Variants in CHD9 observed in about 807,000 individuals in gnomAD.
CHD9 encodes the protein ATP-dependent chromatin remodeler CHD9.
A neutral mutation model predicts 316.1 loss-of-function variants in CHD9; 77 were observed. That is an observed-to-expected ratio of 0.24 (90% confidence interval 0.20 to 0.29). The LOEUF is 0.29. Ranked by LOEUF, CHD9 falls within the 10% of genes least tolerant of loss-of-function variation. The pLI is 1.00. For missense variants in CHD9, 2,763 were observed against 3,438.1 expected (o/e 0.80, Z 4.91); for synonymous variants, 1,129 against 1,158.3 (o/e 0.97, Z 0.51).
intron 1 of CHD9, among the ~76,000 whole-genome samples, chr16:53,097,949 G>A (rs2036519885): frequency 6.6e-6 from 1 of 151,928 alleles, no homozygotes; most frequent in Admixed American, 6.6e-5. Context: ...GTGAAACCCT[G>A]TCTCTACTAA....
chr16:53,192,154 T>C (rs1251066840), intron 2 of CHD9, among the ~76,000 whole-genome samples: 4 of 151,918 alleles, frequency 2.6e-5, no homozygotes, highest in Non-Finnish European at 4.4e-5. Flanking sequence ...CGTGTGTTTA[T>C]TATGTTGTGT....
At chr16:53,281,020 T>G (rs2053363867) in intron 24 of CHD9, among the ~76,000 whole-genome samples, 1 of 152,174 alleles carries the variant, frequency 6.6e-6, no homozygotes, top group African/African-American at 2.4e-5. Flanking sequence ...AGCTCTTACT[T>G]CTCTAATAGA....
At chr16:53,171,297 T>C (rs1477411614) in intron 2 of CHD9, among the ~76,000 whole-genome samples, 2 of 152,086 alleles carry the variant, frequency 1.3e-5, no homozygotes, top group Non-Finnish European at 2.9e-5. Flanking sequence ...CGGGCGCCTG[T>C]AGTCCCAGCT....
Position 53,231,478 on chromosome 16 carries a change from T to C in CHD9, c.2346T>C (p.Ser782=). ...AAGTAGACAGAGTATTAGAAGTCTCTTTTTGTGAAGATAAGGATACTGGTG... is the reference window on the plus strand; with the variant it reads ...AAGTAGACAGAGTATTAGAAGTCTCCTTTTGTGAAGATAAGGATACTGGTG... ...YVEVDRVLEV[S]FCEDKDTGEP... Residue 782 remains serine (S), a synonymous_variant, in exon 9 of 39, where the codon TCT becomes TCC. Coordinates refer to ENST00000447540, the MANE Select transcript of CHD9 (RefSeq NM_001308319.2). The C allele has an allele frequency of 6.3e-7, 1 of 1,599,052 alleles. No homozygotes were observed. Among genetic ancestry groups the C allele is most frequent in the South Asian group, 1.1e-5 (1 of 89,664 alleles).
chr16:53,219,387 T>C (rs1366636396), intron 3 of CHD9, among the ~76,000 whole-genome samples: 1 of 152,084 alleles, frequency 6.6e-6, no homozygotes, highest in Non-Finnish European at 1.5e-5. Flanking sequence ...TTAAATTAAA[T>C]CTCTCAGGGA....
chr16:53,057,866 T>C (rs1391702227), intron 1 of CHD9, among the ~76,000 whole-genome samples: 1 of 152,156 alleles, frequency 6.6e-6, no homozygotes, highest in Non-Finnish European at 1.5e-5. Flanking sequence ...TTTTGTGGTG[T>C]ACTTAGTGCC....
intron 12 of CHD9, among the ~76,000 whole-genome samples, chr16:53,241,711 A>G (rs1308129203): frequency 6.6e-6 from 1 of 152,180 alleles, no homozygotes; most frequent in Non-Finnish European, 1.5e-5. Flanking sequence ...TCTACTTTCA[A>G]AATGTATCTA....
intron 1 of CHD9, among the ~76,000 whole-genome samples, chr16:53,091,608 A>G (rs1596953831): frequency 6.6e-6 from 1 of 152,140 alleles, no homozygotes; most frequent in African/African-American, 2.4e-5. Context: ...GTTTCCTGCA[A>G]ACTCCTTTTG....
At position 53,094,468 on chromosome 16, in the gene CHD9, G is replaced by A. The variant is rs992960867; in HGVS notation, c.-165+39391G>A. ...TCACAGTGAAAACTCACCCGTACCC[G>A]GTGACCCCAGGTGACAATTCTGAAC... is the stretch of plus-strand genomic sequence containing the variant. On this transcript the variant is annotated intron_variant, in intron 1 of 38. Coordinates refer to ENST00000447540, the MANE Select transcript of CHD9 (RefSeq NM_001308319.2). 7.2e-5 allele frequency among the ~76,000 whole-genome samples: 11 copies of A among 152,028 alleles called. No individual in the cohort carries two copies. The East Asian group carries it at 1.2e-3, about 16-fold the overall frequency.
At chr16:53,095,860 A>G (rs1490071125) in intron 1 of CHD9, among the ~76,000 whole-genome samples, 1 of 152,234 alleles carries the variant, frequency 6.6e-6, no homozygotes, top group Admixed American at 6.5e-5. Flanking sequence ...CCCAGTAACA[A>G]CAAACATATA....
intron 3 of CHD9, among the ~76,000 whole-genome samples, chr16:53,212,023 T>A (rs1666955714): frequency 6.6e-6 from 1 of 152,150 alleles, no homozygotes; most frequent in African/African-American, 2.4e-5. Context: ...TTTAGGACAA[T>A]TGGGCTGTTC....
intron 1 of CHD9, among the ~76,000 whole-genome samples, chr16:53,085,187 G>C (rs1225329857): frequency 6.6e-6 from 1 of 151,708 alleles, no homozygotes; most frequent in African/African-American, 2.4e-5. Flanking sequence ...AGGACTTGCT[G>C]TCTCCAGTCC....
intron 2 of CHD9, among the ~76,000 whole-genome samples, chr16:53,204,480 A>G (rs1054116507): frequency 1.3e-5 from 2 of 152,206 alleles, no homozygotes; most frequent in African/African-American, 2.4e-5. Flanking sequence ...GTGAAAAATT[A>G]TAATTTTATT....
chr16:53,268,837 C>G (rs1430566532), intron 22 of CHD9, among the ~76,000 whole-genome samples: 1 of 152,160 alleles, frequency 6.6e-6, no homozygotes, highest in South Asian at 2.1e-4. Flanking sequence ...GGATTTTGCT[C>G]TGTCCCCCAG....
chr16:53,086,621 A>G (rs2152544153), intron 1 of CHD9, among the ~76,000 whole-genome samples: 1 of 152,364 alleles, frequency 6.6e-6, no homozygotes, highest in South Asian at 2.1e-4. Context: ...GAAAAAAATC[A>G]TTTGTGAGGT....
intron 17 of CHD9, 102 bp downstream of exon 17, chr16:53,250,168 A>G: frequency 1.4e-6 from 1 of 706,426 alleles, no homozygotes; most frequent in Non-Finnish European, 2.3e-6. Flanking sequence ...GGACAAACTA[A>G]TGTATGTTTC....
At chr16:53,082,007 G>A (rs2035059093) in intron 1 of CHD9, among the ~76,000 whole-genome samples, 4 of 152,118 alleles carry the variant, frequency 2.6e-5, no homozygotes, top group Admixed American at 1.3e-4. Context: ...GAGAGAGAGA[G>A]AAAGAGAAAG....
intron 2 of CHD9, chr16:53,169,575 T>C (rs1156914597): frequency 6.6e-6 from 1 of 152,250 alleles, no homozygotes; most frequent in Non-Finnish European, 1.5e-5. Flanking sequence ...ATATATTCAC[T>C]AATTGTTAAT....
At chr16:53,107,503 TAAAATAAAATATAAA>T (rs1377555706) in intron 1 of CHD9, among the ~76,000 whole-genome samples, 1 of 146,124 alleles carries the variant, frequency 6.8e-6, no homozygotes, top group Non-Finnish European at 1.5e-5. Flanking sequence ...TAAAATAAAA[TAAAATAAAATATAAA>T]ATAAAATTAA....
Sources: gnomAD v4.1 joint callset for allele counts (sites outside exome capture counted in the v4.1 genomes callset) on GRCh38, gnomAD v4.1.1 for gene constraint, MANE v1.5 for transcripts, NCBI Gene and HGNC (gene_info 2026-07-23, HGNC 2026-07-21) for gene names.